Variants in BCO2 observed in about 807,000 individuals in gnomAD.
BCO2 encodes carotenoid-cleaving dioxygenase, mitochondrial.
In BCO2, 56 loss-of-function variants were observed where a neutral mutation model predicts 65.8. The observed-to-expected ratio is 0.85, with a 90% confidence interval of 0.69 to 1.06. The LOEUF is 1.06. Ranked by LOEUF, BCO2 falls within the 50% of genes least tolerant of loss-of-function variation. The probability of loss-of-function intolerance (pLI) is 0.00; values close to 1 mark genes in which losing one functional copy is unlikely to be tolerated. For missense variants in BCO2, 675 were observed against 698.5 expected (o/e 0.97, Z 0.38); for synonymous variants, 233 against 242.3 (o/e 0.96, Z 0.36).
At chr11:112,211,319 T>TACACACACAC (rs71060232) in intron 8 of BCO2, among the ~76,000 whole-genome samples, 15 of 128,500 alleles carry the variant, frequency 1.2e-4, no homozygotes, top group African/African-American at 4.8e-4. Context: ...TTCGATTGTA[T>TACACACACAC]ACACACACAC....
chr11:112,189,306 A>C (rs994170389), intron 2 of BCO2, among the ~76,000 whole-genome samples: 2 of 152,038 alleles, frequency 1.3e-5, no homozygotes, highest in Non-Finnish European at 2.9e-5. Flanking sequence ...GGATTGCTTG[A>C]GGAAAGGAGT....
intron 2 of BCO2, among the ~76,000 whole-genome samples, chr11:112,182,594 T>A (rs1424320074): frequency 6.6e-6 from 1 of 151,032 alleles, no homozygotes; most frequent in Non-Finnish European, 1.5e-5. Context: ...AGCAAACTAT[T>A]GCAAGGACAG....
intron 9 of BCO2, 61 bp from the exon 10 acceptor site, chr11:112,214,701 C>T: frequency 6.9e-7 from 1 of 1,442,900 alleles, no homozygotes; most frequent in Admixed American, 1.8e-5. Context: ...CCTCACTGAC[C>T]TACATAAGAG....
At chr11:112,192,617 A>C (rs1054510338) in intron 2 of BCO2, among the ~76,000 whole-genome samples, 2 of 151,740 alleles carry the variant, frequency 1.3e-5, no homozygotes, top group African/African-American at 2.4e-5. Context: ...ACTTTAATAC[A>C]TATAAGATAT....
At chr11:112,206,440 C>T (rs1489332308) in intron 8 of BCO2, among the ~76,000 whole-genome samples, 2 of 152,122 alleles carry the variant, frequency 1.3e-5, no homozygotes, top group Non-Finnish European at 1.5e-5. Flanking sequence ...ATTTGTTTTT[C>T]TGGTATTGAG....
chr11:112,200,798 C>T (rs113408519), intron 7 of BCO2, 25 bp downstream of exon 7: 2 of 1,597,620 alleles, frequency 1.3e-6, no homozygotes. Flanking sequence ...GTATATTTAT[C>T]ATGAAAATTG....
At chr11:112,190,631 TGGATCACAAGGTCAGGA>T (rs1867348192) in intron 2 of BCO2, among the ~76,000 whole-genome samples, 1 of 151,866 alleles carries the variant, frequency 6.6e-6, no homozygotes, top group Admixed American at 6.6e-5. Context: ...CCGAGGTGGG[TGGATCACAAGGTCAGGA>T]GATCGAGACC....
chr11:112,193,596 G>T lies in BCO2; in HGVS notation c.416G>T (p.Arg139Leu). ...DTYKANSAKNRIVISEFGTLA... is the reference protein window; with the variant it reads ...DTYKANSAKNLIVISEFGTLA... Reference sequence around the variant, plus strand: ...TATAAGGCCAACAGTGCTAAAAACCGAATTGTGATCTCAGAATTTGGCACA... The same window carrying T: ...TATAAGGCCAACAGTGCTAAAAACCTAATTGTGATCTCAGAATTTGGCACA... Residue 139 changes from arginine to leucine, a missense_variant, in exon 3 of 12, where the codon CGA (arginine) becomes CTA (leucine). Arg to Leu is a moderately radical substitution (Grantham distance 102). Transcript: ENST00000357685. The T allele has an allele frequency of 1.9e-6, 3 of 1,614,100 alleles. No homozygotes were observed. The highest frequency in any genetic ancestry group is 2.5e-6 in the Non-Finnish European group (3 of 1,180,010).
chr11:112,181,212 C>T (rs1260255015), intron 2 of BCO2: 21 of 722,496 alleles, frequency 2.9e-5, no homozygotes, highest in Admixed American at 1.7e-4. Context: ...GACGGAGTCT[C>T]GCTCTGTCGC....
chr11:112,214,793 AG>A lies in BCO2; in HGVS notation c.1366del (p.Asp456ThrfsTer2). Reference protein sequence around the residue: ...IWCSHENLHQEDLEKEGGIEF... With the variant: ...IWCSHENLHQXDLEKEGGIEF... ...TGCTCTCATGAAAATCTACATCAGG[AG>A]GACCTAGAAAAGGAAGGAGGCATTG... On this transcript the variant is annotated frameshift_variant, in exon 10 of 12. Transcript: ENST00000357685. LOFTEE classifies it high-confidence loss of function. 1 of 1,613,812 alleles carries A rather than the reference AG, an allele frequency of 6.2e-7. No individual in the cohort carries two copies. The highest frequency in any genetic ancestry group is 2.2e-5 in the East Asian group (1 of 44,868).
intron 8 of BCO2, among the ~76,000 whole-genome samples, chr11:112,207,285 A>G (rs896849823): frequency 2.0e-5 from 3 of 152,176 alleles, no homozygotes; most frequent in Non-Finnish European, 4.4e-5. Flanking sequence ...TAAAATTGCT[A>G]TAGGTATTTT....
At chr11:112,197,539 C>T (rs1466826004) in intron 5 of BCO2, among the ~76,000 whole-genome samples, 1 of 129,178 alleles carries the variant, frequency 7.7e-6, no homozygotes, top group Non-Finnish European at 1.7e-5. Context: ...CAGAGTAAGA[C>T]CCTGTCTCAA....
intron 9 of BCO2, among the ~76,000 whole-genome samples, chr11:112,214,208 G>T (rs2135397190): frequency 6.6e-6 from 1 of 152,150 alleles, no homozygotes. Context: ...GTGCAGTGGT[G>T]CTATCTCGGC....
chr11:112,214,653 C>T lies in BCO2; in HGVS notation c.1333-109C>T, dbSNP rs1407448290. The T allele has an allele frequency of 5.0e-6, 4 of 797,834 alleles. No homozygotes were observed. In the Admixed American group the frequency reaches 1.1e-4, roughly 23 times the overall value. 49.4% of individuals were successfully genotyped at this position (797,834 alleles called of 1,614,324 possible). A position where few individuals can be genotyped will look rare whatever the true frequency, so the allele number is the denominator to read the frequency against. ...TAAAACATGACATAGAACCTCAGTT[C>T]CCAAGCCCTGTCACAAACCTTTATA... On this transcript the variant is annotated intron_variant, in intron 9 of 11. Coordinates refer to ENST00000357685, the MANE Select transcript of BCO2 (RefSeq NM_031938.7).
At chr11:112,217,465 C>T (rs1189970542) in intron 11 of BCO2, among the ~76,000 whole-genome samples, 4 of 152,154 alleles carry the variant, frequency 2.6e-5, no homozygotes, top group Admixed American at 6.5e-5. Context: ...CAGGCTCAAG[C>T]GATCCTCCTG....
chr11:112,178,712 C>T (rs1866949352), intron 1 of BCO2, among the ~76,000 whole-genome samples: 1 of 152,110 alleles, frequency 6.6e-6, no homozygotes, highest in South Asian at 2.1e-4. Flanking sequence ...ATTTTTGACA[C>T]CCTTCTACTG....
chr11:112,187,788 T>C (rs893484427), intron 2 of BCO2, among the ~76,000 whole-genome samples: 1 of 151,890 alleles, frequency 6.6e-6, no homozygotes, highest in Non-Finnish European at 1.5e-5. Flanking sequence ...TGGGATGCTG[T>C]AGAGCCCAGG....
At chr11:112,196,162 T>C (rs1305692530) in intron 5 of BCO2, among the ~76,000 whole-genome samples, 1 of 152,226 alleles carries the variant, frequency 6.6e-6, no homozygotes, top group Non-Finnish European at 1.5e-5. Flanking sequence ...CATTAACTAA[T>C]GTGTTTAAAT....
At chr11:112,180,139 T>G (rs536369044) in intron 2 of BCO2, among the ~76,000 whole-genome samples, 2 of 152,334 alleles carry the variant, frequency 1.3e-5, no homozygotes, top group South Asian at 4.1e-4. Flanking sequence ...CATTATCTTT[T>G]AAATCATCTC....
Sources: gnomAD v4.1 joint callset for allele counts (sites outside exome capture counted in the v4.1 genomes callset) on GRCh38, gnomAD v4.1.1 for gene constraint, MANE v1.5 for transcripts, NCBI Gene and HGNC (gene_info 2026-07-23, HGNC 2026-07-21) for gene names.